Variants in GPHN observed in about 807,000 individuals in gnomAD.
GPHN encodes the protein gephyrin.
In GPHN, 17 loss-of-function variants were observed where a neutral mutation model predicts 95.5. The observed-to-expected ratio is 0.18, with a 90% CI of 0.12 to 0.27. The LOEUF is 0.27. Among genes scored for constraint, GPHN ranks in the 10% least tolerant of loss-of-function variants. GPHN has a pLI of 1.00. For missense variants in GPHN, 660 were observed against 978.1 expected, an observed-to-expected ratio of 0.67 and a Z score of 4.34; for synonymous variants, 320 against 322.5, an observed-to-expected ratio of 0.99 and a Z score of 0.08.
chr14:66,713,354 G>A (rs1330246978), intron 2 of GPHN, among the ~76,000 whole-genome samples: 2 of 152,138 alleles, frequency 1.3e-5, no homozygotes, highest in Non-Finnish European at 2.9e-5. Context: ...CTTACATGTG[G>A]CTAGCCAATT....
At chr14:67,639,500 T>C in the GPHN span, among the ~76,000 whole-genome samples, 1 of 152,194 alleles carries the variant, frequency 6.6e-6, no homozygotes, top group South Asian at 2.1e-4. Context: ...CACCTAATAT[T>C]ATAAAACACC....
At chr14:66,577,925 G>A (rs1410037217) in intron 1 of GPHN, among the ~76,000 whole-genome samples, 1 of 151,844 alleles carries the variant, frequency 6.6e-6, no homozygotes, top group East Asian at 1.9e-4. Flanking sequence ...TTTAGACAGA[G>A]GACTGAAAGT....
chr14:67,118,925 G>C (rs2078856391), intron 16 of GPHN, among the ~76,000 whole-genome samples: 2 of 152,166 alleles, frequency 1.3e-5, no homozygotes, highest in Admixed American at 1.3e-4. Flanking sequence ...CTTCAACAGA[G>C]TCTCAGTGGT....
At chr14:67,179,732 T>C in intron 22 of GPHN, 58 bp downstream of exon 22, 1 of 885,282 alleles carries the variant, frequency 1.1e-6, no homozygotes, top group Admixed American at 1.7e-5. Flanking sequence ...AACACAAACT[T>C]ATATATAATC....
chr14:67,670,772 C>T, the GPHN span, among the ~76,000 whole-genome samples: 2 of 152,080 alleles, frequency 1.3e-5, no homozygotes, highest in Non-Finnish European at 2.9e-5. Flanking sequence ...GTGATCCGCC[C>T]GCCTAGGCCT....
intron 5 of GPHN, among the ~76,000 whole-genome samples, chr14:66,895,786 A>C (rs1052645416): frequency 6.6e-6 from 1 of 152,156 alleles, no homozygotes; most frequent in African/African-American, 2.4e-5. Context: ...GCAGAAGAAA[A>C]ATCATCTCAG....
chr14:67,529,000 G>T, the GPHN span, among the ~76,000 whole-genome samples: 1 of 152,076 alleles, frequency 6.6e-6, no homozygotes, highest in South Asian at 2.1e-4. Context: ...CTTCCATGCT[G>T]CTCCTCCTGG....
chr14:67,347,199 A>C, the GPHN span, among the ~76,000 whole-genome samples: 1 of 152,130 alleles, frequency 6.6e-6, no homozygotes, highest in African/African-American at 2.4e-5. Context: ...TCAGCCTCCC[A>C]AAGTGCCAGT....
the GPHN span, among the ~76,000 whole-genome samples, chr14:67,732,476 G>A: frequency 4.8e-5 from 7 of 145,942 alleles, no homozygotes; most frequent in Admixed American, 4.2e-4. Context: ...GTATGATCCC[G>A]GTTTTATGTA....
chr14:67,429,518 T>C, the GPHN span, among the ~76,000 whole-genome samples: 8 of 149,824 alleles, frequency 5.3e-5, no homozygotes, highest in South Asian at 1.7e-3. Context: ...GGTGGATCTT[T>C]TGAGGTCAGG....
At chr14:66,530,946 T>C (rs963539885) in intron 1 of GPHN, among the ~76,000 whole-genome samples, 1 of 148,016 alleles carries the variant, frequency 6.8e-6, no homozygotes, top group Admixed American at 6.9e-5. Flanking sequence ...TCTTGTTTGT[T>C]TGTTAGATTT....
the GPHN span, among the ~76,000 whole-genome samples, chr14:67,402,535 AT>A: frequency 6.6e-6 from 1 of 152,020 alleles, no homozygotes; most frequent in Non-Finnish European, 1.5e-5. Context: ...TTTCTAATTA[AT>A]TTTTTTGTAC....
chr14:67,653,566 G>C, the GPHN span: 1 of 1,390,630 alleles, frequency 7.2e-7, no homozygotes, highest in East Asian at 2.3e-5. Flanking sequence ...AATATCCCTA[G>C]ATTAACAGTA....
chr14:67,403,365 G>A, the GPHN span, among the ~76,000 whole-genome samples: 1 of 152,126 alleles, frequency 6.6e-6, no homozygotes, highest in East Asian at 1.9e-4. Flanking sequence ...GAGTCATCAG[G>A]GACAGGTGGC....
At chr14:67,562,993 G>A in the GPHN span, 1 of 1,254,514 alleles carries the variant, frequency 8.0e-7, no homozygotes, top group Non-Finnish European at 1.1e-6. Context: ...GGAGGCTGCT[G>A]GCATCCTCAT....
At chr14:67,551,627 G>A in the GPHN span, among the ~76,000 whole-genome samples, 4 of 152,052 alleles carry the variant, frequency 2.6e-5, no homozygotes, top group African/African-American at 4.8e-5. Context: ...AACCTTTCAC[G>A]CCTGTAATCC....
At chr14:67,284,974 C>T in the GPHN span, among the ~76,000 whole-genome samples, 2 of 151,646 alleles carry the variant, frequency 1.3e-5, no homozygotes, top group Non-Finnish European at 2.9e-5. Context: ...TGGTCTTGAC[C>T]TCCTGGCCTC....
At chr14:66,937,044 C>T (rs1254852798) in intron 8 of GPHN, among the ~76,000 whole-genome samples, 1 of 152,146 alleles carries the variant, frequency 6.6e-6, no homozygotes, top group Non-Finnish European at 1.5e-5. Flanking sequence ...TTGCTGTCAC[C>T]CATGTCGGAG....
At chr14:67,345,772 A>C in the GPHN span, 2 of 1,611,058 alleles carry the variant, frequency 1.2e-6, no homozygotes, top group South Asian at 1.1e-5. Context: ...ACTTACCTGC[A>C]GAGAAGCTAG....
Sources: gnomAD v4.1 joint callset for allele counts (sites outside exome capture counted in the v4.1 genomes callset) on GRCh38, gnomAD v4.1.1 for gene constraint, MANE v1.5 for transcripts, NCBI Gene and HGNC (gene_info 2026-07-23, HGNC 2026-07-21) for gene names.